The following SEMA3E variants were observed in gnomAD, a reference collection of about 807,000 sequenced individuals.
SEMA3E encodes semaphorin-3E.
A neutral mutation model predicts 93.6 loss-of-function variants in SEMA3E; 49 were observed. The observed-to-expected ratio is 0.52, with a 90% CI of 0.42 to 0.66. SEMA3E has a LOEUF of 0.66. Ranked by LOEUF, SEMA3E falls within the 30% of genes least tolerant of loss-of-function variation. The probability of loss-of-function intolerance (pLI) is 0.00; values close to 1 mark genes in which losing one functional copy is unlikely to be tolerated. For synonymous variants in SEMA3E, 363 were observed against 330.7 expected, an observed-to-expected ratio of 1.10 and a Z score of -1.06; for missense variants, 906 against 964.8, an observed-to-expected ratio of 0.94 and a Z score of 0.81.
chr7:83,481,127 A>G (rs1790136873), intron 2 of SEMA3E, among the ~76,000 whole-genome samples: 1 of 152,166 alleles, frequency 6.6e-6, no homozygotes, highest in Admixed American at 6.5e-5. Flanking sequence ...TGAAGCTTAT[A>G]AACACTTTTT....
intron 1 of SEMA3E, among the ~76,000 whole-genome samples, chr7:83,565,250 C>T (rs914064540): frequency 2.7e-4 from 41 of 152,180 alleles, no homozygotes; most frequent in South Asian, 8.3e-4. Flanking sequence ...TGCAGGGACA[C>T]GGATGAAGCT....
At chr7:83,569,306 A>G (rs199918243) in intron 1 of SEMA3E, among the ~76,000 whole-genome samples, 1 of 47,696 alleles carries the variant, frequency 2.1e-5, no homozygotes, top group African/African-American at 4.2e-4. Flanking sequence ...TCCCATAGAC[A>G]AGACAATATA....
intron 1 of SEMA3E, among the ~76,000 whole-genome samples, chr7:83,545,413 C>T (rs1310223444): frequency 2.0e-5 from 3 of 151,868 alleles, no homozygotes; most frequent in African/African-American, 7.3e-5. Context: ...AAAATTCTTC[C>T]CCCAATCCCC....
intron 1 of SEMA3E, among the ~76,000 whole-genome samples, chr7:83,574,088 G>A (rs1402766022): frequency 6.6e-6 from 1 of 151,898 alleles, no homozygotes; most frequent in African/African-American, 2.4e-5. Flanking sequence ...TACTATCCTT[G>A]ACTTTTTCTC....
In SEMA3E at chr7:83,394,360, C is replaced by A; in HGVS notation, c.1459-22G>T. 3 of 1,597,104 alleles carry A rather than the reference C, an allele frequency of 1.9e-6. No individual in the cohort carries two copies. The African/African-American group carries it at 4.0e-5, about 21-fold the overall frequency. On this transcript the variant is annotated intron_variant, in intron 12 of 16. Coordinates refer to ENST00000643230, the MANE Select transcript of SEMA3E (RefSeq NM_012431.3). Reference sequence around the variant, plus strand: ...GATCCTGAAATTTTAAAAAAGTTTTCATTTTTAAGAAAACAGTATAAAAAC... The same window carrying A: ...GATCCTGAAATTTTAAAAAAGTTTTAATTTTTAAGAAAACAGTATAAAAAC...
chr7:83,383,877 T>C (rs894937834), intron 16 of SEMA3E, among the ~76,000 whole-genome samples: 1 of 151,968 alleles, frequency 6.6e-6, no homozygotes, highest in African/African-American at 2.4e-5. Context: ...CTATGGAAGA[T>C]TATCAGGTCC....
At chr7:83,639,886 T>C (rs767743423) in intron 1 of SEMA3E, among the ~76,000 whole-genome samples, 1 of 151,900 alleles carries the variant, frequency 6.6e-6, no homozygotes, top group African/African-American at 2.4e-5. Context: ...TGAAGCCTGG[T>C]AAGGAGAAGA....
chr7:83,399,509 A>C (rs1788194391), intron 11 of SEMA3E, among the ~76,000 whole-genome samples: 1 of 152,164 alleles, frequency 6.6e-6, no homozygotes, highest in African/African-American at 2.4e-5. Flanking sequence ...CCAAGTTCCA[A>C]GTTGTTCACA....
At chr7:83,635,104 C>T (rs1295108696) in intron 1 of SEMA3E, among the ~76,000 whole-genome samples, 1 of 151,946 alleles carries the variant, frequency 6.6e-6, no homozygotes, top group Non-Finnish European at 1.5e-5. Context: ...ATTCATCTGA[C>T]CAGAAATATG....
At chr7:83,447,977 A>G (rs1213108578) in intron 4 of SEMA3E, among the ~76,000 whole-genome samples, 1 of 152,202 alleles carries the variant, frequency 6.6e-6, no homozygotes, top group Non-Finnish European at 1.5e-5. Flanking sequence ...ACAAACACTC[A>G]AAATAAAGTT....
chr7:83,410,587 A>T (rs1788419503), intron 5 of SEMA3E, among the ~76,000 whole-genome samples: 1 of 152,090 alleles, frequency 6.6e-6, no homozygotes, highest in East Asian at 1.9e-4. Context: ...TTTCCCAGAA[A>T]TTTTATGTCT....
At position 83,374,410 on chromosome 7, in the gene SEMA3E, A is replaced by G. The variant is rs150888573; in HGVS notation, c.1876-6372T>C. On this transcript the variant is annotated intron_variant, in intron 16 of 16. Transcript: ENST00000643230. ...CTGAGAGCAAGCTGACAATAATTAC[A>G]TAAATGAAGGATGCTGACAAATAAT... Among the ~76,000 whole-genome samples, 8 of 152,240 alleles carry G rather than the reference A, an allele frequency of 5.3e-5. No homozygotes were observed. In the East Asian group the frequency reaches 1.5e-3, roughly 29 times the overall value.
chr7:83,569,084 A>G (rs1792221519), intron 1 of SEMA3E, among the ~76,000 whole-genome samples: 1 of 152,112 alleles, frequency 6.6e-6, no homozygotes, highest in Non-Finnish European at 1.5e-5. Context: ...ATTTCTATAT[A>G]CCAATAATGA....
At chr7:83,468,688 G>A (rs1454909476) in intron 3 of SEMA3E, among the ~76,000 whole-genome samples, 1 of 152,138 alleles carries the variant, frequency 6.6e-6, no homozygotes, top group Non-Finnish European at 1.5e-5. Flanking sequence ...TGATGTCTTA[G>A]TGTGTTAGGG....
chr7:83,503,458 T>G (rs1379601545), intron 1 of SEMA3E, among the ~76,000 whole-genome samples: 1 of 152,182 alleles, frequency 6.6e-6, no homozygotes, highest in Admixed American at 6.5e-5. Flanking sequence ...TTAAATATTT[T>G]ATTCTTACTA....
intron 1 of SEMA3E, among the ~76,000 whole-genome samples, chr7:83,583,820 T>G (rs1792562438): frequency 6.6e-6 from 1 of 152,132 alleles, no homozygotes; most frequent in Non-Finnish European, 1.5e-5. Flanking sequence ...TCAAAAATGT[T>G]CATTATGCCT....
rs900431534 is a variant in SEMA3E at position 83,385,570 on chromosome 7, G to T, written c.1736-137C>A. 4.0e-6 allele frequency: 4 copies of T among 1,005,804 alleles called. No individual in the cohort carries two copies. The African/African-American group carries it at 6.5e-5, about 16-fold the overall frequency. 62.3% of individuals were successfully genotyped at this position (1,005,804 alleles called of 1,614,324 possible). A position where few individuals can be genotyped will look rare whatever the true frequency, so the allele number is the denominator to read the frequency against. On this transcript the variant is annotated intron_variant, in intron 15 of 16. Coordinates refer to ENST00000643230, the MANE Select transcript of SEMA3E (RefSeq NM_012431.3). ...TTATTTCTGCAAAAGGTAATTTAAA[G>T]GAATTATTTAGAAAGAGTGGCATAC...
intron 4 of SEMA3E, among the ~76,000 whole-genome samples, chr7:83,427,192 CT>C (rs1788789985): frequency 1.3e-5 from 2 of 151,350 alleles, no homozygotes; most frequent in African/African-American, 4.9e-5. Context: ...TCCTTCCTTC[CT>C]TTCCTTCTTT....
At chr7:83,643,826 C>T (rs1330319471) in intron 1 of SEMA3E, among the ~76,000 whole-genome samples, 9 of 151,978 alleles carry the variant, frequency 5.9e-5, no homozygotes, top group Non-Finnish European at 1.3e-4. Flanking sequence ...AAGCTCTGGG[C>T]ACATAGGCTA....
Sources: allele counts gnomAD v4.1 joint callset (sites outside exome capture counted in the v4.1 genomes callset), GRCh38; gene constraint gnomAD v4.1.1; transcripts MANE v1.5; gene names NCBI Gene and HGNC (gene_info 2026-07-23, HGNC 2026-07-21).